Variants in DYNLT1 observed in about 807,000 individuals in gnomAD.
DYNLT1 encodes dynein light chain Tctex-type 1.
DYNLT1 carries 18 observed loss-of-function variants against 19.6 expected under a neutral mutation model. That is an observed-to-expected ratio of 0.92 (90% confidence interval 0.64 to 1.36). The LOEUF is 1.36. Among genes scored for constraint, DYNLT1 ranks in the 40% most tolerant of loss-of-function variants. The probability of loss-of-function intolerance (pLI) is 0.00; values close to 1 mark genes in which losing one functional copy is unlikely to be tolerated. For missense variants in DYNLT1, 137 were observed against 139.3 expected (o/e 0.98, Z 0.08); for synonymous variants, 56 against 44.0 (o/e 1.27, Z -1.07).
chr6:158,637,316 C>T (rs878875450), intron 3 of DYNLT1, 111 bp from the exon 4 acceptor site: 8 of 949,906 alleles, frequency 8.4e-6, no homozygotes, highest in South Asian at 8.3e-5. Flanking sequence ...TTGATGTTCT[C>T]GATAAAAATT....
chr6:158,641,667 G>A (rs898676477), intron 1 of DYNLT1: 7 of 177,312 alleles, frequency 3.9e-5, no homozygotes, highest in Non-Finnish European at 8.3e-5. Context: ...TGCCTCCCAG[G>A]TTCAAGTGAT....
intron 3 of DYNLT1, 95 bp downstream of exon 3, chr6:158,637,673 AGTT>A: frequency 1.3e-6 from 2 of 1,597,384 alleles, no homozygotes; most frequent in Non-Finnish European, 1.7e-6. Context: ...GCCTTCCTTG[AGTT>A]GAGCCACGTT....
intron 2 of DYNLT1, among the ~76,000 whole-genome samples, chr6:158,638,258 T>G (rs965031465): frequency 1.3e-5 from 2 of 152,202 alleles, no homozygotes; most frequent in Non-Finnish European, 2.9e-5. Flanking sequence ...ATATATTAGA[T>G]GAATTGTATT....
rs553747816 is a variant in DYNLT1, at chr6:158,644,716, C to A, written c.-8G>T. The stretch of plus-strand genomic sequence containing the variant: ...AGCCTGGTAGTCTTCCATCTTTCCT[C>A]CGGCGCGTCCCCTCCGGCTCCCTGA... On this transcript the variant is annotated 5_prime_UTR_variant, in exon 1 of 5. Transcript: ENST00000367089. 6.2e-7 allele frequency: 1 copy of A among 1,611,398 alleles called. No homozygotes were observed. The highest frequency in any genetic ancestry group is 1.1e-5 in the South Asian group (1 of 91,062).
In DYNLT1 at chr6:158,641,404, T is replaced by C. The variant is rs773574635; in HGVS notation, c.28-44A>G. ...AGTTAAGTTTGATTTATTTAAAAGA[T>C]ATTTCCACTACATTGATAAATGCAA... is the stretch of plus-strand genomic sequence containing the variant. On this transcript the variant is annotated intron_variant, in intron 1 of 4. Coordinates refer to ENST00000367089, the MANE Select transcript of DYNLT1 (RefSeq NM_006519.4). 5.3e-6 allele frequency: 8 copies of C among 1,509,820 alleles called. No homozygotes were observed. The Admixed American group carries it at 1.7e-4, about 31-fold the overall frequency. The allele number at this position is 1,509,820 out of a possible 1,614,324, so 93.5% of individuals were successfully genotyped here.
At position 158,641,384 on chromosome 6, in the gene DYNLT1, A is replaced by C. The variant is rs1787131632; in HGVS notation, c.28-24T>G. On this transcript the variant is annotated intron_variant, in intron 1 of 4. Transcript: ENST00000367089. ...GTCTGTAAGGAAGAACATTCAGTTA[A>C]GTTTGATTTATTTAAAAGATATTTC... is the stretch of plus-strand genomic sequence containing the variant. 1.9e-6 allele frequency: 3 copies of C among 1,577,120 alleles called. No individual in the cohort carries two copies. In the South Asian group the frequency reaches 3.5e-5, roughly 19 times the overall value.
intron 2 of DYNLT1, among the ~76,000 whole-genome samples, chr6:158,640,346 C>T (rs1433241545): frequency 6.6e-6 from 1 of 152,072 alleles, no homozygotes; most frequent in Non-Finnish European, 1.5e-5. Flanking sequence ...CATCTGAAAC[C>T]CCAAACAGTA....
chr6:158,640,060 G>C (rs1357213236), intron 2 of DYNLT1, among the ~76,000 whole-genome samples: 1 of 152,168 alleles, frequency 6.6e-6, no homozygotes, highest in African/African-American at 2.4e-5. Flanking sequence ...AACTGCGGCA[G>C]AACTAGACTT....
chr6:158,639,653 TG>T (rs1278841032), intron 2 of DYNLT1, among the ~76,000 whole-genome samples: 3 of 152,176 alleles, frequency 2.0e-5, no homozygotes, highest in Admixed American at 1.3e-4. Context: ...TGTCACCTCA[TG>T]TTTCCATGTG....
chr6:158,637,427 T>G (rs1183094518), intron 3 of DYNLT1: 4 of 620,774 alleles, frequency 6.4e-6, no homozygotes, highest in Non-Finnish European at 1.2e-5. Context: ...TATATGAAAA[T>G]GTAAGTTGCA....
Position 158,644,689 on chromosome 6 carries a change from G to T in DYNLT1, c.20C>A (p.Ala7Glu). The change falls in exon 1 of 5, where the codon GCG becomes GAG. Residue 7 changes from alanine to glutamate, a missense_variant. Transcript: ENST00000367089. ...CGCCGACCCGGCGGTTACCTCCTCC[G>T]CAGCCTGGTAGTCTTCCATCTTTCC... MEDYQA[A>E]EETAFVVDEV... is the part of the protein sequence containing the mutation. 6.2e-7 allele frequency: 1 copy of T among 1,611,972 alleles called. No homozygotes were observed. The highest frequency in any genetic ancestry group is 8.5e-7 in the Non-Finnish European group (1 of 1,179,700).
In DYNLT1 at chr6:158,636,884, C is replaced by T. The variant is rs4709239; in HGVS notation, c.285G>A (p.Val95=). The T allele has an allele frequency of 2.5e-6, 4 of 1,613,524 alleles. No individual in the cohort carries two copies. In the East Asian group the frequency reaches 8.9e-5, roughly 36 times the overall value. ...AGTACATGGTCTTATTCTCCCATCG[C>T]ACAGTGCAGCTCCCTGCGGGAGGGA... ...WDSSTDGSCT[V]RWENKTMYCI... is the part of the protein sequence containing the mutation. Residue 95 remains valine, a synonymous_variant, in exon 5 of 5, where the codon GTG becomes GTA. Transcript: ENST00000367089.
intron 1 of DYNLT1, among the ~76,000 whole-genome samples, chr6:158,643,199 T>C (rs1423553082): frequency 6.6e-6 from 1 of 152,214 alleles, no homozygotes; most frequent in Non-Finnish European, 1.5e-5. Context: ...GCGATTTCTT[T>C]TTTAGAAGTT....
intron 2 of DYNLT1, among the ~76,000 whole-genome samples, chr6:158,640,181 C>T (rs1009273908): frequency 1.8e-4 from 27 of 152,232 alleles, no homozygotes; most frequent in Middle Eastern, 3.4e-3. Context: ...GAAAACCAAA[C>T]GTACAGATCC....
intron 1 of DYNLT1, chr6:158,642,300 A>G (rs1467314322): frequency 6.6e-6 from 1 of 152,206 alleles, no homozygotes; most frequent in Non-Finnish European, 1.5e-5. Context: ...CCTTTTACAC[A>G]TGGTAGATCT....
chr6:158,641,277 T>G, intron 2 of DYNLT1, 42 bp downstream of exon 2: 3 of 1,542,246 alleles, frequency 1.9e-6, no homozygotes, highest in Non-Finnish European at 2.6e-6. Flanking sequence ...TTCTCTAATA[T>G]AAGCCATTAA....
At chr6:158,639,122 C>G (rs975586724) in intron 2 of DYNLT1, among the ~76,000 whole-genome samples, 1 of 152,170 alleles carries the variant, frequency 6.6e-6, no homozygotes. Context: ...GGACTGGGAT[C>G]TGATGCCTGG....
intron 1 of DYNLT1, 117 bp downstream of exon 1, chr6:158,644,565 G>A (rs753116105): frequency 3.9e-6 from 5 of 1,272,180 alleles, no homozygotes; most frequent in African/African-American, 1.5e-5. Context: ...GCCGTGGGCT[G>A]CCGAGACTGG....
chr6:158,644,621 C>T, intron 1 of DYNLT1, 61 bp downstream of exon 1: 1 of 1,602,202 alleles, frequency 6.2e-7, no homozygotes, highest in South Asian at 1.1e-5. Context: ...GGCAGGACCG[C>T]GTGTCCTTCC....
Sources: allele counts gnomAD v4.1 joint callset (sites outside exome capture counted in the v4.1 genomes callset), GRCh38; gene constraint gnomAD v4.1.1; transcripts MANE v1.5; gene names NCBI Gene and HGNC (gene_info 2026-07-23, HGNC 2026-07-21).